CNTN1: variants seen among roughly 807,000 people sequenced by gnomAD.
The protein encoded by CNTN1 is contactin 1, also known as contactin-1.
Under a neutral mutation model 126.4 loss-of-function variants are expected in CNTN1, and 38 were observed. The observed-to-expected ratio is 0.30, with a 90% CI of 0.23 to 0.39. The LOEUF is 0.39. Ranked by LOEUF, CNTN1 falls within the 10% of genes least tolerant of loss-of-function variation. CNTN1 has a pLI of 1.00. For missense variants in CNTN1, 1,009 were observed against 1,248.4 expected, an observed-to-expected ratio of 0.81 and a Z score of 2.89; for synonymous variants, 413 against 422.6, an observed-to-expected ratio of 0.98 and a Z score of 0.28.
chr12:40,784,930 A>C (rs889320158), intron 1 of CNTN1, among the ~76,000 whole-genome samples: 5 of 152,112 alleles, frequency 3.3e-5, no homozygotes, highest in Admixed American at 6.6e-5. Flanking sequence ...GTGGTTACAG[A>C]TTCATAGTCA....
chr12:41,057,179 AAATATTTAGATATTTATATTATT>A (rs1288842872), intron 23 of CNTN1, among the ~76,000 whole-genome samples: 2 of 130,218 alleles, frequency 1.5e-5, no homozygotes, highest in East Asian at 2.1e-4. Context: ...TTTATATTAT[AAATATTTAGATATTTATATTATT>A]ATATTTAGAT....
chr12:41,000,500 T>C (rs1948329152), intron 17 of CNTN1, among the ~76,000 whole-genome samples: 1 of 152,152 alleles, frequency 6.6e-6, no homozygotes, highest in Non-Finnish European at 1.5e-5. Flanking sequence ...CTACAAATTA[T>C]TTTTTAACCC....
chr12:40,927,972 G>A (rs958870389), intron 6 of CNTN1, among the ~76,000 whole-genome samples: 2 of 152,022 alleles, frequency 1.3e-5, no homozygotes, highest in Admixed American at 6.6e-5. Context: ...GAGTAATAGA[G>A]TGACTAACTG....
At chr12:40,908,843 C>T (rs1944927973) in intron 2 of CNTN1, among the ~76,000 whole-genome samples, 1 of 152,126 alleles carries the variant, frequency 6.6e-6, no homozygotes. Flanking sequence ...TGCAACCGCT[C>T]ACCAGTCTGT....
intron 1 of CNTN1, among the ~76,000 whole-genome samples, chr12:40,902,883 A>C (rs2136779598): frequency 6.6e-6 from 1 of 152,358 alleles, no homozygotes; most frequent in African/African-American, 2.4e-5. Flanking sequence ...ATCTAGATAT[A>C]GGACAGATTT....
At chr12:40,976,874 C>T (rs1034003785) in intron 15 of CNTN1, among the ~76,000 whole-genome samples, 30 of 152,140 alleles carry the variant, frequency 2.0e-4, no homozygotes, top group African/African-American at 7.0e-4. Context: ...AGAGTATCTT[C>T]ACATTCCCAA....
chr12:40,874,512 G>C (rs1339530805), intron 1 of CNTN1, among the ~76,000 whole-genome samples: 1 of 151,998 alleles, frequency 6.6e-6, no homozygotes, highest in African/African-American at 2.4e-5. Flanking sequence ...GCAATATATA[G>C]AAACATTTTC....
At chr12:40,707,841 A>G (rs1941810961) in intron 1 of CNTN1, among the ~76,000 whole-genome samples, 1 of 152,178 alleles carries the variant, frequency 6.6e-6, no homozygotes, top group South Asian at 2.1e-4. Context: ...GCTAATTTTA[A>G]AGTAAGATAT....
intron 1 of CNTN1, among the ~76,000 whole-genome samples, chr12:40,772,217 C>G (rs1939365604): frequency 6.6e-6 from 1 of 151,928 alleles, no homozygotes. Context: ...TTCTAAATTG[C>G]CTTCAAGTAT....
chr12:40,831,097 A>G (rs1941822417), intron 1 of CNTN1, among the ~76,000 whole-genome samples: 1 of 146,274 alleles, frequency 6.8e-6, no homozygotes, highest in Admixed American at 6.9e-5. Flanking sequence ...TATATATACT[A>G]TACATATATA....
rs151108659 is a variant in CNTN1 at position 41,062,373 on chromosome 12, G to T, written c.2981-7586G>T. ...AGTAACCTCACTGAATTACAGCAGT[G>T]TTACTGAAAATTGTATGCTAGTTTC... On this transcript the variant is annotated intron_variant, in intron 23 of 23. Coordinates refer to ENST00000551295, the MANE Select transcript of CNTN1 (RefSeq NM_001843.4). Among the ~76,000 whole-genome samples the T allele has an allele frequency of 4.0e-3, 604 of 152,252 alleles. 7 individuals carry two copies. The highest frequency in any genetic ancestry group is 0.014 in the African/African-American group (580 of 41,558).
At chr12:40,861,401 T>G (rs1483961316) in intron 1 of CNTN1, among the ~76,000 whole-genome samples, 3 of 152,156 alleles carry the variant, frequency 2.0e-5, no homozygotes, top group Admixed American at 2.0e-4. Flanking sequence ...AAAAAAAAAG[T>G]AGAAATGTCT....
chr12:40,947,782 T>TAC (rs56852774), intron 14 of CNTN1, among the ~76,000 whole-genome samples: 15,390 of 118,428 alleles, frequency 0.13, 1,037 homozygotes, highest in Non-Finnish European at 0.18. Flanking sequence ...TATATATATA[T>TAC]ACACACACAC....
intron 23 of CNTN1, among the ~76,000 whole-genome samples, chr12:41,053,468 T>TA (rs60201950): frequency 1.5e-5 from 2 of 130,870 alleles, no homozygotes; most frequent in African/African-American, 2.9e-5. Flanking sequence ...TATATATATA[T>TA]TTGCCAATAA....
At chr12:41,035,244 T>A (rs1450611987) in intron 23 of CNTN1, among the ~76,000 whole-genome samples, 1 of 152,230 alleles carries the variant, frequency 6.6e-6, no homozygotes, top group East Asian at 1.9e-4. Context: ...AAGGAAATTT[T>A]AAAATAATCC....
chr12:40,830,102 T>A (rs1431549762), intron 1 of CNTN1, among the ~76,000 whole-genome samples: 2 of 152,270 alleles, frequency 1.3e-5, no homozygotes, highest in East Asian at 3.9e-4. Flanking sequence ...TGTACTTATC[T>A]AAACCTCTCT....
At chr12:40,914,646 A>C (rs1945165904) in intron 3 of CNTN1, among the ~76,000 whole-genome samples, 2 of 152,138 alleles carry the variant, frequency 1.3e-5, no homozygotes. Context: ...TCTTAACTGC[A>C]ATATTCTCTC....
chr12:40,982,873 A>T (rs7973411), intron 16 of CNTN1, among the ~76,000 whole-genome samples: 2,075 of 145,156 alleles, frequency 0.014, 22 homozygotes, highest in Non-Finnish European at 0.023. Context: ...ATTCTCACTC[A>T]TAGGTGGGAA....
chr12:40,989,491 A>G (rs764718257), intron 16 of CNTN1, among the ~76,000 whole-genome samples: 23 of 152,118 alleles, frequency 1.5e-4, no homozygotes, highest in Non-Finnish European at 2.9e-4. Flanking sequence ...ATACATGACA[A>G]TATAGAGTCA....
Sources: gnomAD v4.1 joint callset for allele counts (sites outside exome capture counted in the v4.1 genomes callset) on GRCh38, gnomAD v4.1.1 for gene constraint, MANE v1.5 for transcripts, NCBI Gene and HGNC (gene_info 2026-07-23, HGNC 2026-07-21) for gene names.